Variants in THEMIS observed in about 807,000 individuals in gnomAD.
THEMIS encodes the protein protein THEMIS.
A neutral mutation model predicts 52.6 loss-of-function variants in THEMIS; 37 were observed. The observed-to-expected ratio is 0.70, with a 90% CI of 0.54 to 0.93. THEMIS has a LOEUF of 0.93. Ranked by LOEUF, THEMIS falls within the 40% of genes least tolerant of loss-of-function variation. The pLI, the probability that THEMIS is intolerant of heterozygous loss-of-function variation, is 0.00. For synonymous variants in THEMIS, 292 were observed against 272.7 expected (o/e 1.07, Z -0.70); for missense variants, 808 against 763.1 (o/e 1.06, Z -0.69).
chr6:127,803,498 C>T (rs755027158), intron 4 of THEMIS, among the ~76,000 whole-genome samples: 5 of 152,062 alleles, frequency 3.3e-5, no homozygotes, highest in East Asian at 1.9e-4. Flanking sequence ...TTATACATCC[C>T]TATCTACCTT....
chr6:127,837,319 C>G (rs1583334187), intron 2 of THEMIS, among the ~76,000 whole-genome samples: 2 of 152,028 alleles, frequency 1.3e-5, no homozygotes, highest in East Asian at 3.9e-4. Flanking sequence ...CATGCCGGGG[C>G]TCATGAAACA....
chr6:127,901,284 T>C (rs961922668), upstream of THEMIS, among the ~76,000 whole-genome samples: 1 of 151,580 alleles, frequency 6.6e-6, no homozygotes, highest in Non-Finnish European at 1.5e-5. Flanking sequence ...GCATCTACTA[T>C]GGTAGCAAAA....
intron 4 of THEMIS, among the ~76,000 whole-genome samples, chr6:127,810,104 T>C (rs1777850310): frequency 1.3e-5 from 2 of 152,092 alleles, no homozygotes; most frequent in South Asian, 4.2e-4. Flanking sequence ...TTTAGTAGTC[T>C]AGGCGTAATG....
chr6:127,745,882 C>T (rs575505901), intron 4 of THEMIS, among the ~76,000 whole-genome samples: 22 of 151,738 alleles, frequency 1.4e-4, no homozygotes, highest in Non-Finnish European at 2.5e-4. Flanking sequence ...AATTCTCTTG[C>T]TTTGAAGAAT....
At chr6:127,742,313 TA>T (rs778252716) in intron 4 of THEMIS, among the ~76,000 whole-genome samples, 8,112 of 121,110 alleles carry the variant, frequency 0.067, 234 homozygotes, top group Middle Eastern at 0.096. Context: ...AGACTCTGCT[TA>T]AAAAAAAAAA....
intron 5 of THEMIS, 101 bp from the exon 6 acceptor site, chr6:127,710,117 G>A (rs928376051): frequency 8.8e-6 from 6 of 685,532 alleles, no homozygotes; most frequent in Non-Finnish European, 1.4e-5. Flanking sequence ...CATGCATATG[G>A]TTTTTGAGAA....
chr6:127,729,756 A>G (rs1359232141), intron 4 of THEMIS, among the ~76,000 whole-genome samples: 1 of 152,028 alleles, frequency 6.6e-6, no homozygotes, highest in Non-Finnish European at 1.5e-5. Context: ...TGTTCCCTCA[A>G]TTGTTTGCTT....
intron 4 of THEMIS, among the ~76,000 whole-genome samples, chr6:127,747,335 T>C (rs1042626075): frequency 2.8e-5 from 4 of 144,206 alleles, no homozygotes. Flanking sequence ...ATCTATATAA[T>C]ATATAGATAC....
chr6:127,772,327 T>A (rs1583258473), intron 4 of THEMIS, among the ~76,000 whole-genome samples: 1 of 152,066 alleles, frequency 6.6e-6, no homozygotes, highest in East Asian at 1.9e-4. Flanking sequence ...TTTTTGCCCC[T>A]GGTGAATTAA....
In THEMIS at chr6:127,758,372, T is replaced by C. The variant is rs894757428; in HGVS notation, c.1759-38549A>G. On this transcript the variant is annotated intron_variant, in intron 4 of 5. Transcript: ENST00000368248. The stretch of plus-strand genomic sequence containing the variant: ...AACTGGAAGAATTTATGAAAATACC[T>C]TGTAATAATGAAAAACCCATTCCTT... 7.4e-5 allele frequency among the ~76,000 whole-genome samples: 11 copies of C among 148,596 alleles called. 1 individual carries two copies. The East Asian group carries it at 1.2e-3, about 16-fold the overall frequency.
At chr6:127,805,776 T>C (rs185647629) in intron 4 of THEMIS, among the ~76,000 whole-genome samples, 1 of 152,262 alleles carries the variant, frequency 6.6e-6, no homozygotes, top group African/African-American at 2.4e-5. Context: ...AACTGGGGAA[T>C]TGTAGCAAAA....
chr6:127,826,074 G>A (rs1778497098), intron 3 of THEMIS, among the ~76,000 whole-genome samples: 1 of 152,160 alleles, frequency 6.6e-6, no homozygotes, highest in South Asian at 2.1e-4. Context: ...TGTCATATGT[G>A]AAAGTCAATA....
chr6:127,801,401 TATC>T (rs759263677), intron 4 of THEMIS, among the ~76,000 whole-genome samples: 5 of 152,096 alleles, frequency 3.3e-5, no homozygotes, highest in East Asian at 1.9e-4. Flanking sequence ...CACAAGCTCT[TATC>T]ATGTGAGTGG....
intron 1 of THEMIS, among the ~76,000 whole-genome samples, chr6:127,898,600 A>C (rs571969623): frequency 1.3e-5 from 2 of 151,998 alleles, no homozygotes; most frequent in African/African-American, 4.8e-5. Flanking sequence ...TCACACACAC[A>C]CACACACAAA....
chr6:127,861,783 CAAAAAAAAA>C (rs1225783673), intron 1 of THEMIS, among the ~76,000 whole-genome samples: 1 of 95,700 alleles, frequency 1.0e-5, no homozygotes, highest in African/African-American at 5.0e-5. Context: ...GACTCCATCT[CAAAAAAAAA>C]AAAAAAAAAA....
chr6:127,767,423 C>CT (rs926502732), intron 4 of THEMIS, among the ~76,000 whole-genome samples: 3 of 151,806 alleles, frequency 2.0e-5, no homozygotes, highest in South Asian at 2.1e-4. Context: ...GTTCTATAAG[C>CT]TTTTTTTTCA....
chr6:127,883,764 T>G lies in THEMIS; in HGVS notation c.91+17078A>C, dbSNP rs1451319898. Reference sequence around the variant, plus strand: ...TTTGTGCTCAATTATTTTGCCCAACTGTAGGCTAATGTGAGGGTTCTGAGC... The same window carrying G: ...TTTGTGCTCAATTATTTTGCCCAACGGTAGGCTAATGTGAGGGTTCTGAGC... On this transcript the variant is annotated intron_variant, in intron 1 of 5. Transcript: ENST00000368248. 2.0e-5 allele frequency among the ~76,000 whole-genome samples: 3 copies of G among 152,282 alleles called. No individual in the cohort carries two copies. The East Asian group carries it at 5.8e-4, about 29-fold the overall frequency.
chr6:127,759,887 CTCTCTT>C (rs1276212391), intron 4 of THEMIS, among the ~76,000 whole-genome samples: 2 of 126,826 alleles, frequency 1.6e-5, no homozygotes, highest in African/African-American at 2.9e-5. Flanking sequence ...TCCTCTCTCT[CTCTCTT>C]TCTTTCTCTT....
chr6:127,761,634 T>C (rs900553371), intron 4 of THEMIS, among the ~76,000 whole-genome samples: 2 of 152,130 alleles, frequency 1.3e-5, no homozygotes, highest in Admixed American at 6.6e-5. Flanking sequence ...CCCTTCCCTA[T>C]AGAAAGGACC....
Sources: allele counts gnomAD v4.1 joint callset (sites outside exome capture counted in the v4.1 genomes callset), GRCh38; gene constraint gnomAD v4.1.1; transcripts MANE v1.5; gene names NCBI Gene and HGNC (gene_info 2026-07-23, HGNC 2026-07-21).